The following TMCO4 variants were observed in gnomAD, a reference collection of about 807,000 sequenced individuals.
The protein encoded by TMCO4 is transmembrane and coiled-coil domain-containing protein 4.
Under a neutral mutation model 64.7 loss-of-function variants are expected in TMCO4, and 58 were observed. The ratio of observed to expected loss-of-function variants is 0.90; its 90% CI spans 0.73 to 1.12. The LOEUF is 1.12. Among genes scored for constraint, TMCO4 ranks in the 50% most tolerant of loss-of-function variants. The probability of loss-of-function intolerance (pLI) is 0.00; values close to 1 mark genes in which losing one functional copy is unlikely to be tolerated. For synonymous variants in TMCO4, 325 were observed against 346.1 expected (o/e 0.94, Z 0.68); for missense variants, 780 against 825.9 (o/e 0.94, Z 0.68).
At chr1:19,713,479 G>T (rs924035585) in intron 13 of TMCO4, among the ~76,000 whole-genome samples, 6 of 152,140 alleles carry the variant, frequency 3.9e-5, no homozygotes, top group African/African-American at 1.4e-4. Flanking sequence ...GGTTTTGGGA[G>T]TCCTGGGCTA....
intron 13 of TMCO4, among the ~76,000 whole-genome samples, chr1:19,736,312 A>G (rs1456871347): frequency 2.6e-5 from 4 of 151,556 alleles, no homozygotes; most frequent in African/African-American, 9.7e-5. Context: ...GGGAAAACCC[A>G]CCCCCCTGAT....
At chr1:19,762,817 G>C (rs2042563895) in intron 6 of TMCO4, among the ~76,000 whole-genome samples, 1 of 152,212 alleles carries the variant, frequency 6.6e-6, no homozygotes. Context: ...GGTAGGGATG[G>C]TGGGTCGGGG....
At chr1:19,769,284 C>T (rs1220380333) in intron 6 of TMCO4, among the ~76,000 whole-genome samples, 2 of 152,218 alleles carry the variant, frequency 1.3e-5, no homozygotes, top group African/African-American at 4.8e-5. Context: ...AGCAGTTCTG[C>T]AGCATGAAGA....
intron 14 of TMCO4, among the ~76,000 whole-genome samples, chr1:19,695,545 A>G (rs2095230576): frequency 6.6e-6 from 1 of 152,226 alleles, no homozygotes; most frequent in African/African-American, 2.4e-5. Flanking sequence ...GATCTGAAAG[A>G]AGGGTCCTCC....
At chr1:19,752,257 T>A (rs1444738401) in intron 7 of TMCO4, among the ~76,000 whole-genome samples, 2 of 152,146 alleles carry the variant, frequency 1.3e-5, no homozygotes, top group African/African-American at 2.4e-5. Flanking sequence ...TAAATCCGAA[T>A]GACAGCCTTG....
At chr1:19,788,806 T>C (rs2043872417) in intron 2 of TMCO4, among the ~76,000 whole-genome samples, 1 of 152,224 alleles carries the variant, frequency 6.6e-6, no homozygotes, top group Non-Finnish European at 1.5e-5. Context: ...CTGGGTGTGG[T>C]AGCTCATGCC....
chr1:19,756,144 A>AG (rs1182160857), intron 6 of TMCO4, among the ~76,000 whole-genome samples: 6 of 152,066 alleles, frequency 3.9e-5, no homozygotes, highest in African/African-American at 1.4e-4. Flanking sequence ...CTAGCTACTC[A>AG]GGGGGCTGAT....
chr1:19,746,939 A>C (rs1413057302), intron 8 of TMCO4, among the ~76,000 whole-genome samples: 3 of 150,818 alleles, frequency 2.0e-5, no homozygotes, highest in South Asian at 2.1e-4. Context: ...AAAAAAAAAA[A>C]AAAAAACGTG....
chr1:19,792,765 ATTTT>A (rs71579823), intron 2 of TMCO4, among the ~76,000 whole-genome samples: 4,167 of 89,648 alleles, frequency 0.046, 231 homozygotes, highest in African/African-American at 0.16. Flanking sequence ...GTCAAGGTCA[ATTTT>A]TTTTTTTTTT....
In TMCO4 at chr1:19,780,572, G is replaced by T. The variant is rs1398994491; in HGVS notation, c.179+8C>A. 1 of 1,586,586 alleles carries T rather than the reference G, an allele frequency of 6.3e-7. No homozygotes were observed. The highest frequency in any genetic ancestry group is 8.6e-7 in the Non-Finnish European group (1 of 1,167,016). ...ATGACCTTCCCACTGCAAGACAGAA[G>T]AACTCACCTGTGTTCGGGTTCAGGA... On this transcript the variant is annotated splice_region_variant and intron_variant, in intron 4 of 15. Transcript: ENST00000294543.
intron 6 of TMCO4, among the ~76,000 whole-genome samples, chr1:19,763,988 A>G (rs16822845): frequency 0.12 from 18,356 of 152,222 alleles, 1,207 homozygotes; most frequent in South Asian, 0.13. Context: ...GCATTAAGGC[A>G]GTGACAAGCT....
chr1:19,751,715 C>T (rs2042025190), intron 7 of TMCO4, among the ~76,000 whole-genome samples: 1 of 152,198 alleles, frequency 6.6e-6, no homozygotes, highest in Admixed American at 6.5e-5. Flanking sequence ...AGCTGAATGG[C>T]CAATCTATTT....
intron 15 of TMCO4, among the ~76,000 whole-genome samples, chr1:19,693,797 A>G (rs2095216035): frequency 6.6e-6 from 1 of 152,172 alleles, no homozygotes; most frequent in African/African-American, 2.4e-5. Context: ...TCTAGCCTAA[A>G]GCCCTCCACC....
chr1:19,730,698 G>T (rs561564824), intron 13 of TMCO4, among the ~76,000 whole-genome samples: 1 of 152,244 alleles, frequency 6.6e-6, no homozygotes, highest in Non-Finnish European at 1.5e-5. Context: ...CACCCCAAAA[G>T]GGAGTGGAAG....
chr1:19,793,686 G>A (rs2101146161), intron 2 of TMCO4, among the ~76,000 whole-genome samples: 1 of 152,310 alleles, frequency 6.6e-6, no homozygotes, highest in African/African-American at 2.4e-5. Context: ...TGGCATGGAA[G>A]GAAAGCTCCC....
chr1:19,730,558 T>C (rs948895953), intron 13 of TMCO4, among the ~76,000 whole-genome samples: 4 of 152,196 alleles, frequency 2.6e-5, no homozygotes, highest in Non-Finnish European at 5.9e-5. Context: ...CTCAAGGGGC[T>C]TGCAGTCTCA....
chr1:19,792,374 C>G (rs959048097), intron 2 of TMCO4, among the ~76,000 whole-genome samples: 3 of 152,186 alleles, frequency 2.0e-5, no homozygotes, highest in African/African-American at 7.2e-5. Context: ...ATGATTATGA[C>G]TTTTGTCTAG....
At chr1:19,708,027 AGC>A (rs1553129508) in intron 13 of TMCO4, among the ~76,000 whole-genome samples, 1 of 152,182 alleles carries the variant, frequency 6.6e-6, no homozygotes, top group Non-Finnish European at 1.5e-5. Context: ...CCTTCAACAC[AGC>A]GGGATTACAA....
At chr1:19,713,240 G>T (rs2095339833) in intron 13 of TMCO4, among the ~76,000 whole-genome samples, 3 of 152,206 alleles carry the variant, frequency 2.0e-5, no homozygotes, top group African/African-American at 7.2e-5. Context: ...GGCAGGGGTG[G>T]GAATTATGGC....
Sources: allele counts gnomAD v4.1 joint callset (sites outside exome capture counted in the v4.1 genomes callset), GRCh38; gene constraint gnomAD v4.1.1; transcripts MANE v1.5; gene names NCBI Gene and HGNC (gene_info 2026-07-23, HGNC 2026-07-21).